The following PDK2 variants were observed in gnomAD, a reference collection of about 807,000 sequenced individuals.
PDK2 encodes pyruvate dehydrogenase kinase, isozyme 2.
A neutral mutation model predicts 50.4 loss-of-function variants in PDK2; 34 were observed. That is an observed-to-expected ratio of 0.68 (90% CI 0.51 to 0.90). The LOEUF is 0.90. Ranked by LOEUF, PDK2 falls within the 40% of genes least tolerant of loss-of-function variation. The probability of loss-of-function intolerance (pLI) is 0.00; values close to 1 mark genes in which losing one functional copy is unlikely to be tolerated. For missense variants in PDK2, 377 were observed against 544.5 expected, an observed-to-expected ratio of 0.69 and a Z score of 3.06; for synonymous variants, 232 against 216.0, an observed-to-expected ratio of 1.07 and a Z score of -0.65.
At chr17:50,095,691 G>C (rs1289793573) in intron 1 of PDK2, 138 bp downstream of exon 1, 4 of 1,446,440 alleles carry the variant, frequency 2.8e-6, no homozygotes, top group Non-Finnish European at 3.7e-6. Context: ...AGGCAGGAAA[G>C]AGTTAATGGG....
intron 2 of PDK2, 153 bp from the exon 3 acceptor site, chr17:50,105,218 A>C: frequency 2.0e-6 from 1 of 507,848 alleles, no homozygotes; most frequent in Non-Finnish European, 3.5e-6. Context: ...ATACAAATGA[A>C]ATGGATGGAG....
Position 50,096,191 on chromosome 17 carries a change from G to A in PDK2, c.118+638G>A, listed in dbSNP as rs887292690. 15 of 985,428 alleles carry A rather than the reference G, an allele frequency of 1.5e-5. No homozygotes were observed. The African/African-American group carries it at 1.7e-4, about 11-fold the overall frequency. The allele number at this position is 985,428 out of a possible 1,614,324, so 61.0% of individuals were successfully genotyped here. ...GACACTTGAAGATCAAATCTGTTCC[G>A]GCCTGGCAGCCTCTCCCCAGCTGGG... is the stretch of plus-strand genomic sequence containing the variant. On this transcript the variant is annotated intron_variant, in intron 1 of 10. Transcript: ENST00000503176.
rs1421870009 is a variant in PDK2 at position 50,110,836 on chromosome 17, G to C, written c.*739G>C. The stretch of plus-strand genomic sequence containing the variant: ...GCCCACCCGCTCCTCCACAAGCCTA[G>C]TCCATCCTGCCTGAGCTCCAGCCCC... On this transcript the variant is annotated 3_prime_UTR_variant, in exon 11 of 11. Transcript: ENST00000503176. The C allele has an allele frequency of 1.3e-5, 2 of 152,486 alleles. No homozygotes were observed. The highest frequency in any genetic ancestry group is 4.8e-5 in the African/African-American group (2 of 41,424). The allele number at this position is 152,486 out of a possible 1,614,324, so 9.4% of individuals were successfully genotyped here. A position where few individuals can be genotyped will look rare whatever the true frequency, so the allele number is the denominator to read the frequency against.
intron 2 of PDK2, among the ~76,000 whole-genome samples, chr17:50,099,506 A>G (rs1910108151): frequency 6.6e-6 from 1 of 152,292 alleles, no homozygotes; most frequent in Admixed American, 6.5e-5. Context: ...TGAAGGATTC[A>G]GCTTAGGCCG....
At position 50,099,109 on chromosome 17, in the gene PDK2, A is replaced by C. The variant is rs150668014; in HGVS notation, c.260+1545A>C. On this transcript the variant is annotated intron_variant, in intron 2 of 10. Coordinates refer to ENST00000503176, the MANE Select transcript of PDK2 (RefSeq NM_002611.5). Reference sequence around the variant, plus strand: ...GTGCCTTGCCTCTCGGAGGTCCAGGACCTCTGAGCCAACCAACACTTCCCA... The same window carrying C: ...GTGCCTTGCCTCTCGGAGGTCCAGGCCCTCTGAGCCAACCAACACTTCCCA... Among the ~76,000 whole-genome samples the C allele has an allele frequency of 2.2e-3, 334 of 151,738 alleles. 1 individual carries two copies. The highest frequency in any genetic ancestry group is 7.1e-3 in the African/African-American group (295 of 41,364).
Position 50,097,361 on chromosome 17 carries a change from C to T in PDK2, c.119-62C>T, listed in dbSNP as rs534375882. The T allele has an allele frequency of 3.6e-5, 56 of 1,571,046 alleles. No homozygotes were observed. The Middle Eastern group carries it at 5.0e-4, about 14-fold the overall frequency. On this transcript the variant is annotated intron_variant, in intron 1 of 10. Coordinates refer to ENST00000503176, the MANE Select transcript of PDK2 (RefSeq NM_002611.5). ...TAATGAAGGGTTTAGCTGACCTGGC[C>T]GAGACATCCTTTGGCTTTCATAGTC...
intron 2 of PDK2, 131 bp downstream of exon 2, chr17:50,097,695 A>G: frequency 9.2e-7 from 1 of 1,087,288 alleles, no homozygotes; most frequent in East Asian, 2.6e-5. Flanking sequence ...CAAAGCCCCA[A>G]GCGCTTGGAG....
intron 6 of PDK2, 99 bp downstream of exon 6, chr17:50,107,252 G>T: frequency 1.2e-6 from 1 of 856,314 alleles, no homozygotes. Context: ...TTCTAGACAG[G>T]GGAGAAGCAG....
At chr17:50,095,334 G>A (rs1419397013), upstream of PDK2, 2 of 777,260 alleles carry the variant, frequency 2.6e-6, no homozygotes, top group Non-Finnish European at 2.0e-6. Context: ...TGCCCGCCAG[G>A]GCAAGGGTAG....
chr17:50,096,441 C>G (rs1909952342), intron 1 of PDK2, among the ~76,000 whole-genome samples: 1 of 152,156 alleles, frequency 6.6e-6, no homozygotes, highest in Non-Finnish European at 1.5e-5. Context: ...GGGGCAGTCT[C>G]TCAAGAGTTG....
intron 2 of PDK2, among the ~76,000 whole-genome samples, chr17:50,103,277 G>A (rs750732420): frequency 6.6e-6 from 1 of 152,172 alleles, no homozygotes. Flanking sequence ...GGGTAGGGAG[G>A]GGTGGGCGGT....
chr17:50,108,315 G>T lies in PDK2; in HGVS notation c.763-4G>T, dbSNP rs780444390. ...ATGCATCTCTTACCTCTGCCCCTCC[G>T]CAGAATGCCATGAGGGCGACTGTGG... On this transcript the variant is annotated splice_region_variant and splice_polypyrimidine_tract_variant and intron_variant, in intron 7 of 10. Transcript: ENST00000503176. The T allele has an allele frequency of 6.2e-7, 1 of 1,613,262 alleles. No individual in the cohort carries two copies. The highest frequency in any genetic ancestry group is 8.5e-7 in the Non-Finnish European group (1 of 1,179,518).
At chr17:50,095,992 A>T in intron 1 of PDK2, 2 of 531,366 alleles carry the variant, frequency 3.8e-6, no homozygotes, top group Non-Finnish European at 4.9e-6. Context: ...AGCCATCTGT[A>T]GAGAGACCTG....
rs1191429189 is a variant in PDK2, at chr17:50,095,403, G to T, written c.-33G>T. The stretch of plus-strand genomic sequence containing the variant: ...AAGGTGCGCGAGCGCTGCCCGCGCG[G>T]GGACCACAACCAAAGTCGCGGCCGC... On this transcript the variant is annotated 5_prime_UTR_variant, in exon 1 of 11. Coordinates refer to ENST00000503176, the MANE Select transcript of PDK2 (RefSeq NM_002611.5). The T allele has an allele frequency of 1.3e-6, 2 of 1,504,766 alleles. No homozygotes were observed. Among genetic ancestry groups the T allele is most frequent in the African/African-American group, 2.8e-5 (2 of 72,504 alleles). 93.2% of individuals were successfully genotyped at this position (1,504,766 alleles called of 1,614,324 possible). A position where few individuals can be genotyped will look rare whatever the true frequency, so the allele number is the denominator to read the frequency against.
chr17:50,094,882 C>G (rs546606678), upstream of PDK2: 1 of 131,504 alleles, frequency 7.6e-6, no homozygotes, highest in South Asian at 2.1e-4. Context: ...TCCCCAAGAC[C>G]CGTTAAGGGA....
rs1481418599 is a variant in PDK2, at chr17:50,111,628, G to A, written c.*1531G>A. 1 of 152,372 alleles carries A rather than the reference G, an allele frequency of 6.6e-6. No individual in the cohort carries two copies. The highest frequency in any genetic ancestry group is 1.5e-5 in the Non-Finnish European group (1 of 68,160). The allele number at this position is 152,372 out of a possible 1,614,324, so 9.4% of individuals were successfully genotyped here. On this transcript the variant is annotated 3_prime_UTR_variant, in exon 11 of 11. Transcript: ENST00000503176. ...TGGTGCCATCTGCCGCTCTGTCTGG[G>A]CAGATGGGAGGAGCTGGAGGGGTTT...
Position 50,108,308 on chromosome 17 carries a change from C to A in PDK2, c.763-11C>A. On this transcript the variant is annotated splice_polypyrimidine_tract_variant and intron_variant, in intron 7 of 10. Coordinates refer to ENST00000503176, the MANE Select transcript of PDK2 (RefSeq NM_002611.5). ...TTCTCCCATGCATCTCTTACCTCTG[C>A]CCCTCCGCAGAATGCCATGAGGGCG... The A allele has an allele frequency of 6.2e-7, 1 of 1,612,402 alleles. No individual in the cohort carries two copies. The highest frequency in any genetic ancestry group is 8.5e-7 in the Non-Finnish European group (1 of 1,178,712).
chr17:50,100,097 G>A (rs1046175048), intron 2 of PDK2, among the ~76,000 whole-genome samples: 3 of 152,154 alleles, frequency 2.0e-5, no homozygotes, highest in Non-Finnish European at 2.9e-5. Context: ...TTGGCAAGAG[G>A]GCCTCTAGCC....
chr17:50,108,993 A>G (rs1463534019), intron 9 of PDK2, among the ~76,000 whole-genome samples: 1 of 151,070 alleles, frequency 6.6e-6, no homozygotes, highest in East Asian at 1.9e-4. Context: ...ACTTGTCAGC[A>G]CCTCCCTGTT....
Sources: allele counts gnomAD v4.1 joint callset (sites outside exome capture counted in the v4.1 genomes callset), GRCh38; gene constraint gnomAD v4.1.1; transcripts MANE v1.5; gene names NCBI Gene and HGNC (gene_info 2026-07-23, HGNC 2026-07-21).